The following MROH2B variants were observed in gnomAD, a reference collection of about 807,000 sequenced individuals.
MROH2B encodes the protein maestro heat-like repeat-containing protein family member 2B.
Under a neutral mutation model 208.6 loss-of-function variants are expected in MROH2B, and 177 were observed. That is an observed-to-expected ratio of 0.85 (90% CI 0.75 to 0.96). The LOEUF (loss-of-function observed/expected upper bound fraction) is 0.96. Ranked by LOEUF, MROH2B falls within the 40% of genes least tolerant of loss-of-function variation. The pLI, the probability that MROH2B is intolerant of heterozygous loss-of-function variation, is 0.00. For missense variants in MROH2B, 2,002 were observed against 1,878.7 expected (o/e 1.07, Z -1.21); for synonymous variants, 728 against 659.0 (o/e 1.10, Z -1.60).
Position 41,000,284 on chromosome 5 carries a change from T to G in MROH2B, c.4418A>C (p.Asp1473Ala). The stretch of plus-strand genomic sequence containing the variant: ...TGGTAGATCCTGATCAAGGAGACGG[T>G]CTAATACCCCATAGAGCTCCTGGAG... ...LGLQELYGVLDRLLDQDLPRA... is the reference protein window; with the variant it reads ...LGLQELYGVLARLLDQDLPRA... The change falls in exon 39 of 42, where the codon GAC becomes GCC. Residue 1473 changes from aspartate to alanine, a missense_variant. Physicochemically the swap from Asp to Ala is moderately radical, Grantham distance 126. Transcript: ENST00000399564. The G allele has an allele frequency of 1.2e-6, 2 of 1,613,764 alleles. No individual in the cohort carries two copies. The highest frequency in any genetic ancestry group is 8.5e-7 in the Non-Finnish European group (1 of 1,179,798).
chr5:41,021,576 G>C (rs1206989991), intron 24 of MROH2B, among the ~76,000 whole-genome samples: 1 of 152,108 alleles, frequency 6.6e-6, no homozygotes, highest in African/African-American at 2.4e-5. Flanking sequence ...GTATGTAACT[G>C]GCATAAAGAC....
In MROH2B at chr5:41,061,690, A is replaced by G. The variant is rs1259106978; in HGVS notation, c.495T>C (p.Tyr165=). The part of the protein sequence containing the change: ...LEKFSKAIYK[Y]VNHWRDFPYP... ...AGGGAAAATCTCTCCAGTGGTTGAC[A>G]TATTTGTAAATGGCTTTGCTGAATT... is the stretch of plus-strand genomic sequence containing the variant. The change falls in exon 6 of 42, where the codon TAT becomes TAC. Residue 165 remains tyrosine, a synonymous_variant. Transcript: ENST00000399564. 5.0e-6 allele frequency: 8 copies of G among 1,613,762 alleles called. No homozygotes were observed. Among genetic ancestry groups the G allele is most frequent in the South Asian group, 2.2e-5 (2 of 91,062 alleles).
At chr5:41,042,856 C>T (rs777844113) in intron 18 of MROH2B, among the ~76,000 whole-genome samples, 1 of 152,246 alleles carries the variant, frequency 6.6e-6, no homozygotes, top group Non-Finnish European at 1.5e-5. Context: ...CTGCCTGCTT[C>T]AGCCTCCTGA....
chr5:41,011,252 T>A (rs149172419), intron 30 of MROH2B, among the ~76,000 whole-genome samples: 1 of 152,352 alleles, frequency 6.6e-6, no homozygotes, highest in African/African-American at 2.4e-5. Flanking sequence ...ACATTTATTT[T>A]AAATATATTT....
At position 41,007,488 on chromosome 5, in the gene MROH2B, T is replaced by C. The variant is rs568460484; in HGVS notation, c.3609-34A>G. ...GACAGTCAGCATTACAAAACTAAGT[T>C]GACCCTTATAGGGAATTGCAAATTC... On this transcript the variant is annotated intron_variant, in intron 33 of 41. Coordinates refer to ENST00000399564, the MANE Select transcript of MROH2B (RefSeq NM_173489.5). The C allele has an allele frequency of 1.1e-5, 17 of 1,502,334 alleles. No individual in the cohort carries two copies. The African/African-American group carries it at 2.0e-4, about 17-fold the overall frequency. 93.1% of individuals were successfully genotyped at this position (1,502,334 alleles called of 1,614,324 possible). A position where few individuals can be genotyped will look rare whatever the true frequency, so the allele number is the denominator to read the frequency against.
intron 17 of MROH2B, among the ~76,000 whole-genome samples, chr5:41,046,545 T>C (rs1356631880): frequency 6.6e-6 from 1 of 151,820 alleles, no homozygotes; most frequent in African/African-American, 2.4e-5. Flanking sequence ...ACAAAACCAA[T>C]GAAAGGATGT....
chr5:41,036,324 AG>A (rs1367486309), intron 21 of MROH2B, among the ~76,000 whole-genome samples: 2 of 152,026 alleles, frequency 1.3e-5, no homozygotes, highest in Non-Finnish European at 2.9e-5. Flanking sequence ...TGATTATATA[AG>A]GGGGAGTTTC....
At chr5:41,008,873 T>A in intron 32 of MROH2B, 80 bp from the exon 33 acceptor site, 2 of 1,383,252 alleles carry the variant, frequency 1.4e-6, no homozygotes, top group Non-Finnish European at 2.0e-6. Flanking sequence ...TTTTCAACTT[T>A]GTTTTCTCCA....
intron 2 of MROH2B, 40 bp downstream of exon 2, chr5:41,069,651 G>T: frequency 6.8e-7 from 1 of 1,461,206 alleles, no homozygotes; most frequent in Non-Finnish European, 9.4e-7. Flanking sequence ...GCAACAAGAA[G>T]ACTGAAAAAG....
At chr5:41,062,481 G>T (rs1156680114) in intron 5 of MROH2B, among the ~76,000 whole-genome samples, 7 of 152,128 alleles carry the variant, frequency 4.6e-5, no homozygotes, top group Non-Finnish European at 8.8e-5. Context: ...TGATTTGCGT[G>T]ATTTTCTGTG....
rs1357206459 is a variant in MROH2B, at chr5:41,009,156, TA to T, written c.3420+123del. On this transcript the variant is annotated intron_variant, in intron 32 of 41. Transcript: ENST00000399564. ...GTAGAGCCACAACTATAAACTGGAG[TA>T]AAGTTAGGGTATGAGAGAAGAAGGA... 7.5e-6 allele frequency: 10 copies of T among 1,327,198 alleles called. No individual in the cohort carries two copies. In the Admixed American group the frequency reaches 2.1e-4, roughly 28 times the overall value. The allele number at this position is 1,327,198 out of a possible 1,614,324, so 82.2% of individuals were successfully genotyped here.
intron 16 of MROH2B, 33 bp downstream of exon 16, chr5:41,048,291 C>T (rs374569136): frequency 1.3e-6 from 2 of 1,570,684 alleles, no homozygotes; most frequent in Non-Finnish European, 1.7e-6. Flanking sequence ...GTTCTTGCCC[C>T]CTGGGTAAAG....
chr5:41,052,707 A>G lies in MROH2B; in HGVS notation c.1108-120T>C, dbSNP rs1040263785. 2.4e-5 allele frequency: 22 copies of G among 934,936 alleles called. No homozygotes were observed. In the African/African-American group the frequency reaches 2.7e-4, roughly 11 times the overall value. 57.9% of individuals were successfully genotyped at this position (934,936 alleles called of 1,614,324 possible). On this transcript the variant is annotated intron_variant, in intron 11 of 41. Coordinates refer to ENST00000399564, the MANE Select transcript of MROH2B (RefSeq NM_173489.5). Reference sequence around the variant, plus strand: ...GGGAACATTTTTGAAAAAGGAACATAAATTGAATAGTGTTAATACAGATTG... The same window carrying G: ...GGGAACATTTTTGAAAAAGGAACATGAATTGAATAGTGTTAATACAGATTG...
In MROH2B at chr5:41,052,567, GAGA is replaced by G. The variant is rs1310762397; in HGVS notation, c.1125_1127del (p.Leu377del). On this transcript the variant is annotated inframe_deletion, in exon 12 of 42. Coordinates refer to ENST00000399564, the MANE Select transcript of MROH2B (RefSeq NM_173489.5). ...ACTTTTCACACATGGTTTGGATGAG[GAGA>G]AGAACAGAATTTCTTACCTAGGGTA... is the stretch of plus-strand genomic sequence containing the variant. 2 of 1,610,408 alleles carry G rather than the reference GAGA, an allele frequency of 1.2e-6. No homozygotes were observed. The highest frequency in any genetic ancestry group is 1.7e-6 in the Non-Finnish European group (2 of 1,177,896).
intron 16 of MROH2B, chr5:41,048,088 G>A (rs1297557316): frequency 4.2e-6 from 2 of 481,210 alleles, no homozygotes; most frequent in African/African-American, 2.0e-5. Context: ...AAAGACGAGA[G>A]CAAAAGTAAA....
intron 39 of MROH2B, 75 bp from the exon 40 acceptor site, chr5:40,999,854 C>A: frequency 7.3e-7 from 1 of 1,364,006 alleles, no homozygotes; most frequent in South Asian, 1.3e-5. Flanking sequence ...TATAGGTCCT[C>A]AGAACGGATT....
Position 41,049,348 on chromosome 5 carries a change from A to G in MROH2B, c.1433T>C (p.Ile478Thr). 6.2e-7 allele frequency: 1 copy of G among 1,613,752 alleles called. No homozygotes were observed. The change falls in exon 14 of 42, where the codon ATT (isoleucine) becomes ACT (threonine). Residue 478 changes from isoleucine to threonine, a missense_variant. Coordinates refer to ENST00000399564, the MANE Select transcript of MROH2B (RefSeq NM_173489.5). Reference sequence around the variant, plus strand: ...GTGCTGCTTCTTCTCCTCTGCCATAATCAGAATTCTGATGATACTAAACAG... The same window carrying G: ...GTGCTGCTTCTTCTCCTCTGCCATAGTCAGAATTCTGATGATACTAAACAG... ...EPLFSIIRIL[I>T]MAEEKKQHSA... is the part of the protein sequence containing the mutation.
At chr5:41,021,561 A>T (rs954321956) in intron 24 of MROH2B, among the ~76,000 whole-genome samples, 1 of 152,186 alleles carries the variant, frequency 6.6e-6, no homozygotes, top group Non-Finnish European at 1.5e-5. Context: ...ACAGTAATCA[A>T]AATAGTATGT....
chr5:41,033,231 T>G, intron 22 of MROH2B, 71 bp from the exon 23 acceptor site: 2 of 1,567,240 alleles, frequency 1.3e-6, no homozygotes, highest in Non-Finnish European at 1.7e-6. Flanking sequence ...ACATGTGACC[T>G]AGCTTTGAAA....
Sources: allele counts gnomAD v4.1 joint callset (sites outside exome capture counted in the v4.1 genomes callset), GRCh38; gene constraint gnomAD v4.1.1; transcripts MANE v1.5; gene names NCBI Gene and HGNC (gene_info 2026-07-23, HGNC 2026-07-21).